The following BCAR3 variants were observed in gnomAD, a reference collection of about 807,000 sequenced individuals.
BCAR3 encodes the protein breast cancer anti-estrogen resistance protein 3.
BCAR3 carries 37 observed loss-of-function variants against 80.1 expected under a neutral mutation model. The ratio of observed to expected loss-of-function variants is 0.46; its 90% CI spans 0.36 to 0.61. The LOEUF is 0.61. BCAR3 is among the 20% of genes least tolerant of loss of function. The pLI is 0.00. For synonymous variants in BCAR3, 389 were observed against 418.9 expected (o/e 0.93, Z 0.87); for missense variants, 978 against 1,068.2 (o/e 0.92, Z 1.18).
intron 3 of BCAR3, among the ~76,000 whole-genome samples, chr1:93,624,929 G>A (rs974839280): frequency 3.9e-5 from 6 of 152,132 alleles, no homozygotes; most frequent in Admixed American, 6.5e-5. Context: ...GTCATTTTAC[G>A]GCCAGGCGCG....
intron 2 of BCAR3, among the ~76,000 whole-genome samples, chr1:93,707,369 A>C (rs1406653864): frequency 6.6e-6 from 1 of 152,190 alleles, no homozygotes; most frequent in Admixed American, 6.5e-5. Context: ...GAAAGGGATC[A>C]AATGCAGTAG....
intron 2 of BCAR3, among the ~76,000 whole-genome samples, chr1:93,783,540 A>G (rs1325589919): frequency 6.6e-6 from 1 of 152,254 alleles, no homozygotes; most frequent in Non-Finnish European, 1.5e-5. Context: ...ATTCACCAAA[A>G]TAACAGAGAA....
At chr1:93,763,641 C>T (rs553707831) in intron 2 of BCAR3, among the ~76,000 whole-genome samples, 4 of 152,144 alleles carry the variant, frequency 2.6e-5, no homozygotes, top group Non-Finnish European at 5.9e-5. Flanking sequence ...CTCCAGTCTT[C>T]TTAGCTCATT....
chr1:93,699,873 C>CA (rs1283085564), intron 3 of BCAR3, among the ~76,000 whole-genome samples: 1 of 152,152 alleles, frequency 6.6e-6, no homozygotes, highest in African/African-American at 2.4e-5. Context: ...GAAACAGACC[C>CA]AGAGAGGTTG....
At chr1:93,833,045 A>G (rs781122291) in intron 2 of BCAR3, among the ~76,000 whole-genome samples, 29 of 152,102 alleles carry the variant, frequency 1.9e-4, no homozygotes, top group Non-Finnish European at 2.8e-4. Flanking sequence ...CTAGCCCCCA[A>G]TATTTCAATG....
chr1:93,776,437 T>C (rs898677371), intron 2 of BCAR3, among the ~76,000 whole-genome samples: 1 of 152,220 alleles, frequency 6.6e-6, no homozygotes, highest in African/African-American at 2.4e-5. Context: ...TTGTAAACAT[T>C]ACCACAATAT....
intron 2 of BCAR3, among the ~76,000 whole-genome samples, chr1:93,802,873 C>T (rs1330937313): frequency 2.6e-5 from 4 of 152,058 alleles, no homozygotes; most frequent in African/African-American, 7.2e-5. Flanking sequence ...GTTTTTGAGC[C>T]GGCTCCTTCC....
At chr1:93,751,023 G>T (rs1231135527) in intron 2 of BCAR3, among the ~76,000 whole-genome samples, 1 of 152,154 alleles carries the variant, frequency 6.6e-6, no homozygotes, top group African/African-American at 2.4e-5. Context: ...AGTCACACTG[G>T]GTAACAATGA....
Position 93,817,774 on chromosome 1 carries a change from C to T in BCAR3, c.-63+27793G>A, listed in dbSNP as rs151194969. Among the ~76,000 whole-genome samples the T allele has an allele frequency of 1.0e-3, 157 of 152,238 alleles. 1 individual carries two copies. The highest frequency in any genetic ancestry group is 3.6e-3 in the African/African-American group (150 of 41,562). On this transcript the variant is annotated intron_variant, in intron 2 of 13. Coordinates refer to the BCAR3 transcript ENST00000370244. Reference sequence around the variant, plus strand: ...CCATCCTGGCTTTGATGGGCTACAGCTGACTAGCCCTGTTTACCCCCCCAC... The same window carrying T: ...CCATCCTGGCTTTGATGGGCTACAGTTGACTAGCCCTGTTTACCCCCCCAC...
chr1:93,562,086 GCT>G lies in BCAR3; in HGVS notation c.*153_*154del. 1.5e-6 allele frequency: 1 copy of G among 648,738 alleles called. No individual in the cohort carries two copies. The highest frequency in any genetic ancestry group is 2.4e-6 in the Non-Finnish European group (1 of 410,734). The allele number at this position is 648,738 out of a possible 1,614,324, so 40.2% of individuals were successfully genotyped here. A position where few individuals can be genotyped will look rare whatever the true frequency, so the allele number is the denominator to read the frequency against. Reference sequence around the variant, plus strand: ...CTTTAGACAATTCATAAATAAGTGTGCTCTGTGCAATTTACACGTTTAATATC... The same window carrying G: ...CTTTAGACAATTCATAAATAAGTGTGCTGTGCAATTTACACGTTTAATATC... On this transcript the variant is annotated 3_prime_UTR_variant, in exon 12 of 12. Coordinates refer to ENST00000260502, the MANE Select transcript of BCAR3 (RefSeq NM_003567.4).
intron 3 of BCAR3, among the ~76,000 whole-genome samples, chr1:93,704,664 G>A (rs1194586343): frequency 6.6e-6 from 1 of 152,156 alleles, no homozygotes; most frequent in African/African-American, 2.4e-5. Flanking sequence ...AAAGTTTTTA[G>A]GCAGGAGTGT....
chr1:93,677,083 G>C (rs768909943), intron 1 of BCAR3, among the ~76,000 whole-genome samples: 6 of 152,162 alleles, frequency 3.9e-5, no homozygotes, highest in Non-Finnish European at 7.3e-5. Flanking sequence ...AAGACACCTG[G>C]AGAAACAAAG....
intron 4 of BCAR3, among the ~76,000 whole-genome samples, chr1:93,589,946 C>T (rs1007647148): frequency 1.3e-5 from 2 of 152,180 alleles, no homozygotes; most frequent in Admixed American, 1.3e-4. Context: ...GATTTTCCCT[C>T]CCCAACAAGT....
Position 93,584,003 on chromosome 1 carries a change from T to C in BCAR3, c.1033+15A>G, listed in dbSNP as rs757167716. On this transcript the variant is annotated intron_variant, in intron 6 of 11. Transcript: ENST00000260502. ...GTAACACTGACGTTCTCCCTGAAAA[T>C]TCCCCGAAACATACCAATCGGCAGG... 1.2e-6 allele frequency: 2 copies of C among 1,611,220 alleles called. No individual in the cohort carries two copies. Among genetic ancestry groups the C allele is most frequent in the South Asian group, 1.1e-5 (1 of 90,868 alleles).
At chr1:93,686,617 GAACCAAAGCT>G (rs1648981308), upstream of BCAR3, among the ~76,000 whole-genome samples, 1 of 152,182 alleles carries the variant, frequency 6.6e-6, no homozygotes, top group East Asian at 1.9e-4. Flanking sequence ...TTAAATGGCA[GAACCAAAGCT>G]AACCCCAGGT....
At chr1:93,752,715 C>T (rs1171742235) in intron 2 of BCAR3, among the ~76,000 whole-genome samples, 1 of 152,104 alleles carries the variant, frequency 6.6e-6, no homozygotes, top group Non-Finnish European at 1.5e-5. Flanking sequence ...TGTCTGTGAG[C>T]CCAGTGAAGG....
At chr1:93,591,003 A>G (rs1047467250) in intron 4 of BCAR3, among the ~76,000 whole-genome samples, 8 of 152,108 alleles carry the variant, frequency 5.3e-5, no homozygotes, top group Admixed American at 4.6e-4. Flanking sequence ...TGTACACAAA[A>G]GTATTCATCG....
rs146888463 is a variant in BCAR3, at chr1:93,564,548, G to T, written c.2300-2129C>A. ...CTGCCTCAGCCTCCCAAAATGCTGG[G>T]ATTACAGGCGTGAGCCACCGTGCCT... On this transcript the variant is annotated intron_variant, in intron 11 of 11. Transcript: ENST00000260502. Among the ~76,000 whole-genome samples, 198 of 152,202 alleles carry T rather than the reference G, an allele frequency of 1.3e-3. 6 individuals are homozygous for T. In the East Asian group the frequency reaches 0.036, roughly 28 times the overall value.
In BCAR3 at chr1:93,636,060, A is replaced by G. The variant is rs12059793; in HGVS notation, c.357+6244T>C. On this transcript the variant is annotated intron_variant, in intron 3 of 11. Transcript: ENST00000260502. ...TACTCCTTTTTAAATATGCTGGGTG[A>G]CCTAATATATCCCCAGCCGGCTGCA... is the stretch of plus-strand genomic sequence containing the variant. Among the ~76,000 whole-genome samples, 309 of 152,230 alleles carry G rather than the reference A, an allele frequency of 2.0e-3. 3 individuals carry two copies. The highest frequency in any genetic ancestry group is 7.1e-3 in the African/African-American group (297 of 41,548).
Sources: gnomAD v4.1 joint callset for allele counts (sites outside exome capture counted in the v4.1 genomes callset) on GRCh38, gnomAD v4.1.1 for gene constraint, MANE v1.5 for transcripts, NCBI Gene and HGNC (gene_info 2026-07-23, HGNC 2026-07-21) for gene names.